Variants in PHACTR1 observed in about 807,000 individuals in gnomAD.
The protein encoded by PHACTR1 is RPEL repeat containing 1.
A neutral mutation model predicts 69.2 loss-of-function variants in PHACTR1; 16 were observed. The ratio of observed to expected loss-of-function variants is 0.23; its 90% CI spans 0.16 to 0.35. The LOEUF is 0.35. Among genes scored for constraint, PHACTR1 ranks in the 10% least tolerant of loss-of-function variants. PHACTR1 has a pLI of 1.00. For synonymous variants in PHACTR1, 312 were observed against 284.5 expected (o/e 1.10, Z -0.97); for missense variants, 510 against 734.7 (o/e 0.69, Z 3.54).
At chr6:13,063,110 G>T (rs1265672507) in intron 5 of PHACTR1, among the ~76,000 whole-genome samples, 1 of 152,128 alleles carries the variant, frequency 6.6e-6, no homozygotes, top group Non-Finnish European at 1.5e-5. Flanking sequence ...AATTCATAAA[G>T]GATACCAGCT....
chr6:13,223,761 C>T lies in PHACTR1; in HGVS notation c.987-4055C>T, dbSNP rs533049493. On this transcript the variant is annotated intron_variant, in intron 8 of 14. Coordinates refer to ENST00000332995, the MANE Select transcript of PHACTR1 (RefSeq NM_030948.6). Reference sequence around the variant, plus strand: ...CTGCTTCATAAAATGGGGAGAACAGCACCTGTCCCATACGGTTGCTGGAAA... The same window carrying T: ...CTGCTTCATAAAATGGGGAGAACAGTACCTGTCCCATACGGTTGCTGGAAA... 2.0e-5 allele frequency among the ~76,000 whole-genome samples: 3 copies of T among 152,268 alleles called. No homozygotes were observed. The South Asian group carries it at 6.2e-4, about 32-fold the overall frequency.
chr6:12,825,480 A>G (rs1282670153), intron 4 of PHACTR1, among the ~76,000 whole-genome samples: 1 of 152,258 alleles, frequency 6.6e-6, no homozygotes, highest in African/African-American at 2.4e-5. Context: ...CCAGCATGTT[A>G]CAAATGAACA....
intron 4 of PHACTR1, among the ~76,000 whole-genome samples, chr6:12,850,904 G>A (rs955428528): frequency 3.3e-5 from 5 of 152,110 alleles, no homozygotes; most frequent in Admixed American, 6.5e-5. Flanking sequence ...ACTCCCTTAA[G>A]TCTCCCAAGA....
intron 9 of PHACTR1, 39 bp from the exon 10 acceptor site, chr6:13,229,998 A>C (rs896169416): frequency 6.4e-7 from 1 of 1,555,120 alleles, no homozygotes; most frequent in Non-Finnish European, 8.7e-7. Flanking sequence ...GCCCAGGCAG[A>C]TATGTAAGCC....
At chr6:13,249,481 C>A (rs1273063425) in intron 10 of PHACTR1, among the ~76,000 whole-genome samples, 4 of 152,032 alleles carry the variant, frequency 2.6e-5, no homozygotes, top group Non-Finnish European at 5.9e-5. Flanking sequence ...TTTTTCTGGT[C>A]AGGGGTATGA....
At chr6:13,118,797 C>T (rs1423108027) in intron 5 of PHACTR1, among the ~76,000 whole-genome samples, 3 of 152,058 alleles carry the variant, frequency 2.0e-5, no homozygotes, top group Non-Finnish European at 4.4e-5. Flanking sequence ...CTAAGAAGGG[C>T]AGCATGGCGC....
chr6:12,946,887 AC>A (rs1467907905), intron 4 of PHACTR1, among the ~76,000 whole-genome samples: 1 of 134,922 alleles, frequency 7.4e-6, no homozygotes, highest in Non-Finnish European at 1.5e-5. Context: ...ATCTCGGCTC[AC>A]TGCAACCTCC....
chr6:12,722,271 G>A (rs573279469), intron 3 of PHACTR1, among the ~76,000 whole-genome samples: 123 of 152,322 alleles, frequency 8.1e-4, no homozygotes, highest in Non-Finnish European at 1.4e-3. Flanking sequence ...TGTTCTTACA[G>A]ATGTAAATGT....
At chr6:12,873,991 G>C (rs1379893837) in intron 4 of PHACTR1, among the ~76,000 whole-genome samples, 1 of 152,190 alleles carries the variant, frequency 6.6e-6, no homozygotes, top group South Asian at 2.1e-4. Flanking sequence ...GTCTTACAAG[G>C]CTGGTTTATG....
At chr6:13,060,689 A>G (rs1412164710) in intron 5 of PHACTR1, among the ~76,000 whole-genome samples, 2 of 152,148 alleles carry the variant, frequency 1.3e-5, no homozygotes, top group Non-Finnish European at 2.9e-5. Flanking sequence ...TCTAGGTAAT[A>G]AGCGAGGTTA....
Position 13,286,334 on chromosome 6 carries a change from G to A in PHACTR1, c.1727+112G>A, listed in dbSNP as rs118146484. 373 of 859,286 alleles carry A rather than the reference G, an allele frequency of 4.3e-4. 3 individuals carry two copies. The East Asian group carries it at 8.9e-3, about 21-fold the overall frequency. The allele number at this position is 859,286 out of a possible 1,614,324, so 53.2% of individuals were successfully genotyped here. On this transcript the variant is annotated intron_variant, in intron 14 of 14. Transcript: ENST00000332995. ...GAGTGGGTTGGAGGGTGCCATGAGA[G>A]GGAAGATAGTAGGAAGGCAGGCATG...
At chr6:12,848,205 A>G (rs1779481005) in intron 4 of PHACTR1, among the ~76,000 whole-genome samples, 1 of 152,240 alleles carries the variant, frequency 6.6e-6, no homozygotes, top group Non-Finnish European at 1.5e-5. Context: ...AACCCACACA[A>G]GAAATCAAAC....
At chr6:12,939,168 TC>T (rs1789802931) in intron 4 of PHACTR1, among the ~76,000 whole-genome samples, 2 of 152,178 alleles carry the variant, frequency 1.3e-5, no homozygotes, top group African/African-American at 4.8e-5. Context: ...CCAGATGCTG[TC>T]CCCTAGTCTA....
At chr6:13,057,230 G>A (rs1806931590) in intron 5 of PHACTR1, among the ~76,000 whole-genome samples, 1 of 152,056 alleles carries the variant, frequency 6.6e-6, no homozygotes, top group Admixed American at 6.5e-5. Context: ...TTGTATACAT[G>A]CATCAAAATA....
chr6:12,900,559 G>A (rs953004123), intron 4 of PHACTR1, among the ~76,000 whole-genome samples: 11 of 152,294 alleles, frequency 7.2e-5, no homozygotes, highest in East Asian at 5.8e-4. Context: ...TACGCCAGGC[G>A]TACTGGTGTG....
At chr6:12,742,840 A>G (rs1204266087) in intron 3 of PHACTR1, among the ~76,000 whole-genome samples, 4 of 152,202 alleles carry the variant, frequency 2.6e-5, no homozygotes, top group African/African-American at 9.6e-5. Context: ...CATAACTCTC[A>G]GATCTGGCAA....
In PHACTR1 at chr6:12,871,673, G is replaced by C. The variant is rs371097727; in HGVS notation, c.250+121883G>C. ...CTAAGGTCTGATTGCCCCCTGTTTG[G>C]TGATGTGAAGGTTGATTAATGGGCT... On this transcript the variant is annotated intron_variant, in intron 4 of 14. Transcript: ENST00000332995. Among the ~76,000 whole-genome samples, 9 of 152,218 alleles carry C rather than the reference G, an allele frequency of 5.9e-5. No individual in the cohort carries two copies. In the East Asian group the frequency reaches 7.7e-4, roughly 13 times the overall value.
chr6:13,282,651 ACCATTTGCACATACGCT>A (rs558101770), intron 12 of PHACTR1, among the ~76,000 whole-genome samples: 2 of 152,170 alleles, frequency 1.3e-5, no homozygotes, highest in Non-Finnish European at 2.9e-5. Flanking sequence ...GAGTTTGCAT[ACCATTTGCACATACGCT>A]TTTTTGCATC....
At chr6:13,171,251 G>A (rs1384693083) in intron 6 of PHACTR1, among the ~76,000 whole-genome samples, 1 of 150,392 alleles carries the variant, frequency 6.6e-6, no homozygotes, top group African/African-American at 2.4e-5. Flanking sequence ...GTGTGCCTCT[G>A]TAGTTCTGTC....
Sources: gnomAD v4.1 joint callset for allele counts (sites outside exome capture counted in the v4.1 genomes callset) on GRCh38, gnomAD v4.1.1 for gene constraint, MANE v1.5 for transcripts, NCBI Gene and HGNC (gene_info 2026-07-23, HGNC 2026-07-21) for gene names.